TMEM181: variants seen among roughly 807,000 people sequenced by gnomAD.
TMEM181 encodes G protein-coupled receptor 178.
TMEM181 carries 39 observed loss-of-function variants against 71.9 expected under a neutral mutation model. The ratio of observed to expected loss-of-function variants is 0.54; its 90% CI spans 0.42 to 0.71. The LOEUF (loss-of-function observed/expected upper bound fraction) is 0.71. Among genes scored for constraint, TMEM181 ranks in the 30% least tolerant of loss-of-function variants. TMEM181 has a pLI of 0.00. For synonymous variants in TMEM181, 245 were observed against 228.8 expected, an observed-to-expected ratio of 1.07 and a Z score of -0.64; for missense variants, 595 against 583.0, an observed-to-expected ratio of 1.02 and a Z score of -0.21.
chr6:158,618,963 G>C (rs534846600), intron 10 of TMEM181, among the ~76,000 whole-genome samples: 1 of 152,174 alleles, frequency 6.6e-6, no homozygotes, highest in East Asian at 1.9e-4. Flanking sequence ...TGACAATTAT[G>C]TGTCTTGGGG....
intron 11 of TMEM181, 144 bp downstream of exon 11, chr6:158,623,751 G>A: frequency 6.1e-6 from 3 of 495,396 alleles, no homozygotes; most frequent in South Asian, 4.3e-5. Context: ...AAGGGTGGAA[G>A]ATTTGGGGAA....
intron 1 of TMEM181, among the ~76,000 whole-genome samples, chr6:158,554,503 A>G (rs1362641359): frequency 6.6e-6 from 1 of 152,238 alleles, no homozygotes; most frequent in Admixed American, 6.5e-5. Flanking sequence ...TATAGGCGTG[A>G]GCCACTTCGC....
intron 1 of TMEM181, among the ~76,000 whole-genome samples, chr6:158,539,051 G>C (rs1227989475): frequency 6.6e-6 from 1 of 152,204 alleles, no homozygotes; most frequent in African/African-American, 2.4e-5. Flanking sequence ...CACGGGACAA[G>C]TGACATCAGC....
intron 7 of TMEM181, 27 bp downstream of exon 7, chr6:158,605,374 C>T: frequency 6.3e-7 from 1 of 1,599,578 alleles, no homozygotes; most frequent in Non-Finnish European, 8.6e-7. Flanking sequence ...TGATGGACCG[C>T]AGCAGATCCC....
intron 1 of TMEM181, among the ~76,000 whole-genome samples, chr6:158,563,305 G>A (rs1307766071): frequency 2.0e-5 from 3 of 152,130 alleles, no homozygotes; most frequent in Admixed American, 6.6e-5. Context: ...CACCATGCCC[G>A]GCTAATTTTT....
At chr6:158,559,956 C>G, upstream of TMEM181, 1 of 700,140 alleles carries the variant, frequency 1.4e-6, no homozygotes, top group East Asian at 1.9e-4. Context: ...GGCCGTGGGG[C>G]TCCGCCCCGG....
At chr6:158,619,886 AAAAG>A (rs1242070355) in intron 10 of TMEM181, among the ~76,000 whole-genome samples, 1 of 104,042 alleles carries the variant, frequency 9.6e-6, no homozygotes, top group African/African-American at 4.0e-5. Flanking sequence ...AAAAAAAAAA[AAAAG>A]GAGGATGTCA....
chr6:158,630,575 T>C (rs934104043), intron 15 of TMEM181, among the ~76,000 whole-genome samples: 2 of 152,168 alleles, frequency 1.3e-5, no homozygotes, highest in South Asian at 2.1e-4. Context: ...TAAGGCAGAA[T>C]AGGCTAAGCT....
At chr6:158,536,977 C>G (rs1338935966) in intron 1 of TMEM181, 1 of 785,470 alleles carries the variant, frequency 1.3e-6, no homozygotes, top group African/African-American at 1.9e-5. Context: ...GCCGCCTCCG[C>G]CGGCCGGGCG....
intron 1 of TMEM181, among the ~76,000 whole-genome samples, chr6:158,561,148 G>A (rs1000697170): frequency 1.3e-5 from 2 of 152,210 alleles, no homozygotes; most frequent in Non-Finnish European, 2.9e-5. Context: ...GAAGGGTTTT[G>A]CTTTGGATCT....
intron 3 of TMEM181, among the ~76,000 whole-genome samples, chr6:158,581,680 G>C (rs1379085507): frequency 6.6e-6 from 1 of 151,076 alleles, no homozygotes; most frequent in Admixed American, 6.6e-5. Flanking sequence ...GTGTGAACCC[G>C]GGCGGGGGAG....
chr6:158,546,416 A>C (rs969529369), intron 1 of TMEM181, among the ~76,000 whole-genome samples: 15 of 152,230 alleles, frequency 9.9e-5, no homozygotes, highest in African/African-American at 3.4e-4. Flanking sequence ...AGTTTCAGCC[A>C]AAAAGGGTAC....
chr6:158,612,396 G>A (rs937999912), intron 10 of TMEM181, among the ~76,000 whole-genome samples: 5 of 152,204 alleles, frequency 3.3e-5, no homozygotes, highest in African/African-American at 1.2e-4. Context: ...CTTGGTCTCG[G>A]ATTGACTGCG....
chr6:158,626,576 C>T (rs1786286721), intron 13 of TMEM181: 12 of 456,504 alleles, frequency 2.6e-5, no homozygotes, highest in South Asian at 1.7e-4. Context: ...GATAGGCATC[C>T]AAGGTCGTCC....
At chr6:158,615,963 G>GTGGGCTCTT (rs1365142648) in intron 10 of TMEM181, among the ~76,000 whole-genome samples, 14 of 152,278 alleles carry the variant, frequency 9.2e-5, no homozygotes, top group African/African-American at 3.1e-4. Context: ...TCTTGGCAAT[G>GTGGGCTCTT]TGGGCTCTTT....
intron 1 of TMEM181, among the ~76,000 whole-genome samples, chr6:158,562,744 G>C (rs76988394): frequency 5.3e-5 from 8 of 151,998 alleles, no homozygotes; most frequent in African/African-American, 9.7e-5. Context: ...CTCATGGAAT[G>C]GTTTTTTGTT....
chr6:158,536,904 T>C (rs1781130339), intron 1 of TMEM181: 2 of 1,298,214 alleles, frequency 1.5e-6, no homozygotes, highest in Non-Finnish European at 2.0e-6. Flanking sequence ...GGCCGGAGGC[T>C]TCCGGGCCGC....
intron 10 of TMEM181, among the ~76,000 whole-genome samples, chr6:158,614,201 G>A (rs1335092560): frequency 6.6e-6 from 1 of 152,202 alleles, no homozygotes; most frequent in Non-Finnish European, 1.5e-5. Flanking sequence ...AAGGCCGGGG[G>A]TTAGGAAAGA....
intron 6 of TMEM181, among the ~76,000 whole-genome samples, chr6:158,593,261 G>A (rs1239277582): frequency 6.6e-6 from 1 of 152,144 alleles, no homozygotes; most frequent in Non-Finnish European, 1.5e-5. Context: ...AGGATAGCTA[G>A]CACAAACTAT....
Sources: allele counts gnomAD v4.1 joint callset (sites outside exome capture counted in the v4.1 genomes callset), GRCh38; gene constraint gnomAD v4.1.1; transcripts MANE v1.5; gene names NCBI Gene and HGNC (gene_info 2026-07-23, HGNC 2026-07-21).